The following PRXL2A variants were observed in gnomAD, a reference collection of about 807,000 sequenced individuals.
PRXL2A encodes peroxiredoxin-like 2A.
A neutral mutation model predicts 25.6 loss-of-function variants in PRXL2A; 26 were observed. The ratio of observed to expected loss-of-function variants is 1.02; its 90% confidence interval spans 0.74 to 1.41. The LOEUF (loss-of-function observed/expected upper bound fraction) is 1.41. Ranked by LOEUF, PRXL2A falls within the 40% of genes most tolerant of loss-of-function variation. The pLI, the probability that PRXL2A is intolerant of heterozygous loss-of-function variation, is 0.00. For missense variants in PRXL2A, 246 were observed against 273.9 expected (o/e 0.90, Z 0.72); for synonymous variants, 98 against 102.9 (o/e 0.95, Z 0.29).
intron 1 of PRXL2A, among the ~76,000 whole-genome samples, chr10:80,410,427 C>A (rs370235581): frequency 2.8e-4 from 42 of 152,382 alleles, no homozygotes; most frequent in African/African-American, 9.4e-4. Flanking sequence ...GTGTTCCCAC[C>A]AGACCTAGAA....
chr10:80,419,023 A>G (rs928415726), intron 1 of PRXL2A, among the ~76,000 whole-genome samples: 3 of 151,746 alleles, frequency 2.0e-5, no homozygotes, highest in East Asian at 1.9e-4. Flanking sequence ...GTCTTGCTCT[A>G]TGACCAGACT....
chr10:80,422,311 T>C (rs536773884), intron 2 of PRXL2A, 106 bp from the exon 3 acceptor site: 1 of 804,774 alleles, frequency 1.2e-6, no homozygotes, highest in East Asian at 2.5e-5. Context: ...GGTCCTCTAC[T>C]AGGCCGGGTC....
chr10:80,429,117 G>A (rs964262728), intron 5 of PRXL2A, among the ~76,000 whole-genome samples: 8 of 145,148 alleles, frequency 5.5e-5, no homozygotes, highest in South Asian at 2.3e-4. Flanking sequence ...TGATCTGCCC[G>A]CCTCAGCCTC....
rs749293242 is a variant in PRXL2A at position 80,432,143 on chromosome 10, C to T, written c.*44C>T. The T allele has an allele frequency of 2.5e-6, 3 of 1,189,406 alleles. No homozygotes were observed. The highest frequency in any genetic ancestry group is 3.7e-6 in the Non-Finnish European group (3 of 807,662). 73.7% of individuals were successfully genotyped at this position (1,189,406 alleles called of 1,614,324 possible). On this transcript the variant is annotated 3_prime_UTR_variant, in exon 6 of 6. Transcript: ENST00000606162. ...CTCAGGGATAACCAGGGACATTCAC[C>T]TGTGTTCATGGGATGTATTGTTTCC...
intron 5 of PRXL2A, 95 bp downstream of exon 5, chr10:80,427,591 T>C: frequency 7.5e-7 from 1 of 1,337,354 alleles, no homozygotes; most frequent in Non-Finnish European, 1.0e-6. Flanking sequence ...ACTTTCCCTG[T>C]TTTGGGTCTC....
rs1845250795 is a variant in PRXL2A at position 80,431,299 on chromosome 10, T to G, written c.577-687T>G. On this transcript the variant is annotated intron_variant, in intron 5 of 5. Coordinates refer to ENST00000606162, the MANE Select transcript of PRXL2A (RefSeq NM_032333.5). ...TCTGCAGTGTGGTGGGCCTTTTTTT[T>G]TTTTTTAAGTCTTTATAAATAATGA... Among the ~76,000 whole-genome samples the G allele has an allele frequency of 3.3e-5, 5 of 152,092 alleles. No homozygotes were observed. The South Asian group carries it at 1.0e-3, about 32-fold the overall frequency.
At chr10:80,422,149 T>A (rs922831938) in intron 2 of PRXL2A, among the ~76,000 whole-genome samples, 2 of 152,182 alleles carry the variant, frequency 1.3e-5, no homozygotes, top group African/African-American at 4.8e-5. Context: ...CACTTCTGAA[T>A]GTTCAGGTTA....
rs111397723 is a variant in PRXL2A, at chr10:80,421,015, G to A, written c.178+370G>A. Among the ~76,000 whole-genome samples the A allele has an allele frequency of 8.9e-3, 1,356 of 152,294 alleles. 21 individuals are homozygous for A. The highest frequency in any genetic ancestry group is 0.031 in the African/African-American group (1,287 of 41,578). On this transcript the variant is annotated intron_variant, in intron 2 of 5. Coordinates refer to ENST00000606162, the MANE Select transcript of PRXL2A (RefSeq NM_032333.5). ...TTTACTAAACCAGTGCTTCCAGAGT[G>A]TATTCTGAGGAATTCCAGGCTTGTG...
In PRXL2A at chr10:80,432,183, G is replaced by A. The variant is rs1845286281; in HGVS notation, c.*84G>A. ...GTATTGTTTCCACTCGTGTCCCTAA[G>A]GAGTGAGAAACCCATTTATACTCTA... On this transcript the variant is annotated 3_prime_UTR_variant, in exon 6 of 6. Coordinates refer to ENST00000606162, the MANE Select transcript of PRXL2A (RefSeq NM_032333.5). 1.3e-6 allele frequency: 1 copy of A among 795,918 alleles called. No individual in the cohort carries two copies. 49.3% of individuals were successfully genotyped at this position (795,918 alleles called of 1,614,324 possible). A position where few individuals can be genotyped will look rare whatever the true frequency, so the allele number is the denominator to read the frequency against.
intron 1 of PRXL2A, chr10:80,413,925 G>C (rs1057092590): frequency 6.9e-6 from 8 of 1,152,078 alleles, no homozygotes; most frequent in Non-Finnish European, 7.7e-6. Context: ...GGGGGTAAGA[G>C]ACCGTTTGAG....
intron 5 of PRXL2A, 41 bp from the exon 6 acceptor site, chr10:80,431,945 A>T: frequency 6.8e-7 from 1 of 1,461,876 alleles, no homozygotes; most frequent in Non-Finnish European, 9.5e-7. Flanking sequence ...TGAACGAACG[A>T]TTTAGGATGA....
intron 1 of PRXL2A, among the ~76,000 whole-genome samples, chr10:80,417,957 C>A (rs1844725247): frequency 6.6e-6 from 1 of 151,944 alleles, no homozygotes; most frequent in African/African-American, 2.4e-5. Flanking sequence ...ACCCTCTTGC[C>A]TCAGCCTCCC....
rs537896099 is a variant in PRXL2A at position 80,425,215 on chromosome 10, C to T, written c.271-651C>T. ...CATGCAGTTTCCCTCATTCATCTAGCACACAGTTCCTGAGAGTCAAGGGTA... is the reference window on the plus strand; with the variant it reads ...CATGCAGTTTCCCTCATTCATCTAGTACACAGTTCCTGAGAGTCAAGGGTA... On this transcript the variant is annotated intron_variant, in intron 3 of 5. Transcript: ENST00000606162. 7.9e-5 allele frequency among the ~76,000 whole-genome samples: 12 copies of T among 152,336 alleles called. No homozygotes were observed. The East Asian group carries it at 1.4e-3, about 17-fold the overall frequency.
chr10:80,423,710 G>A (rs1844940328), intron 3 of PRXL2A, among the ~76,000 whole-genome samples: 1 of 152,204 alleles, frequency 6.6e-6, no homozygotes, highest in African/African-American at 2.4e-5. Flanking sequence ...TCTCATTACA[G>A]AGGAGGAAAC....
At chr10:80,412,941 C>T (rs1317059730) in intron 1 of PRXL2A, among the ~76,000 whole-genome samples, 1 of 152,132 alleles carries the variant, frequency 6.6e-6, no homozygotes, top group Non-Finnish European at 1.5e-5. Context: ...AGACTAGAAC[C>T]AAGCCAGATT....
chr10:80,434,157 T>C lies in PRXL2A; in HGVS notation c.*2058T>C, dbSNP rs2131924083. 1 of 152,036 alleles carries C rather than the reference T, an allele frequency of 6.6e-6. No homozygotes were observed. The highest frequency in any genetic ancestry group is 1.9e-4 in the East Asian group (1 of 5,160). The allele number at this position is 152,036 out of a possible 1,614,324, so 9.4% of individuals were successfully genotyped here. On this transcript the variant is annotated 3_prime_UTR_variant, in exon 6 of 6. Transcript: ENST00000606162. ...TCAAAAAAAAAAACCTGAGAGGACA[T>C]TGCACCAATGGAGATGCATCAAGAG...
At position 80,437,018 on chromosome 10, in the gene PRXL2A, CAT is replaced by C. The variant is rs1845420117; in HGVS notation, c.*4921_*4922del. 1 of 152,244 alleles carries C rather than the reference CAT, an allele frequency of 6.6e-6. No homozygotes were observed. The highest frequency in any genetic ancestry group is 1.5e-5 in the Non-Finnish European group (1 of 68,054). 9.4% of individuals were successfully genotyped at this position (152,244 alleles called of 1,614,324 possible). A position where few individuals can be genotyped will look rare whatever the true frequency, so the allele number is the denominator to read the frequency against. On this transcript the variant is annotated 3_prime_UTR_variant, in exon 6 of 6. Coordinates refer to ENST00000606162, the MANE Select transcript of PRXL2A (RefSeq NM_032333.5). ...CAGTCCATAATCTGTTGAACCTAAA[CAT>C]AAAAATGGACAATTCCCCTGTATCT...
Position 80,427,368 on chromosome 10 carries a change from T to C in PRXL2A, c.448T>C (p.Phe150Leu). The C allele has an allele frequency of 6.2e-7, 1 of 1,614,040 alleles. No homozygotes were observed. Among genetic ancestry groups the C allele is most frequent in the Admixed American group, 1.7e-5 (1 of 60,008 alleles). Reference protein sequence around the residue: ...FYGPQRRKMMFMGFIRLGVWY... With the variant: ...FYGPQRRKMMLMGFIRLGVWY... Reference sequence around the variant, plus strand: ...TGGTCCACAAAGGCGGAAGATGATGTTTATGGGATTTATCCGTCTGGGAGT... The same window carrying C: ...TGGTCCACAAAGGCGGAAGATGATGCTTATGGGATTTATCCGTCTGGGAGT... Residue 150 changes from phenylalanine (F) to leucine (L), a missense_variant, in exon 5 of 6, where the codon TTT becomes CTT. By Grantham distance (22) the Phe-to-Leu change is conservative. Coordinates refer to ENST00000606162, the MANE Select transcript of PRXL2A (RefSeq NM_032333.5).
At chr10:80,426,441 T>C (rs1845045822) in intron 4 of PRXL2A, among the ~76,000 whole-genome samples, 1 of 152,348 alleles carries the variant, frequency 6.6e-6, no homozygotes, top group East Asian at 1.9e-4. Context: ...TTTAAGGTAG[T>C]GTAGGCTAAG....
Sources: allele counts gnomAD v4.1 joint callset (sites outside exome capture counted in the v4.1 genomes callset), GRCh38; gene constraint gnomAD v4.1.1; transcripts MANE v1.5; gene names NCBI Gene and HGNC (gene_info 2026-07-23, HGNC 2026-07-21).